CRAMP1: variants seen among roughly 807,000 people sequenced by gnomAD.
The protein encoded by CRAMP1 is cramped chromatin regulator 1.
Under a neutral mutation model 115.4 loss-of-function variants are expected in CRAMP1, and 50 were observed. The ratio of observed to expected loss-of-function variants is 0.43; its 90% CI spans 0.35 to 0.55. CRAMP1 has a LOEUF of 0.55. Among genes scored for constraint, CRAMP1 ranks in the 20% least tolerant of loss-of-function variants. The pLI is 0.01. For synonymous variants in CRAMP1, 866 were observed against 745.4 expected (o/e 1.16, Z -2.64); for missense variants, 1,679 against 1,721.7 (o/e 0.98, Z 0.44).
In CRAMP1 at chr16:1,665,178, T is replaced by C. The variant is rs764332131; in HGVS notation, c.2752+40T>C. 7 of 1,327,208 alleles carry C rather than the reference T, an allele frequency of 5.3e-6. 1 individual carries two copies. In the South Asian group the frequency reaches 8.2e-5, roughly 16 times the overall value. The allele number at this position is 1,327,208 out of a possible 1,614,324, so 82.2% of individuals were successfully genotyped here. Reference sequence around the variant, plus strand: ...CTTTTCTGGGGTAGCTTGTCCCTCCTCCTCACAGGAGGGCCTTGGCTTTGG... The same window carrying C: ...CTTTTCTGGGGTAGCTTGTCCCTCCCCCTCACAGGAGGGCCTTGGCTTTGG... On this transcript the variant is annotated intron_variant, in intron 14 of 20. Transcript: ENST00000397412.
In CRAMP1 at chr16:1,662,769, G is replaced by T. The variant is rs768090490; in HGVS notation, c.2604G>T (p.Ser868=). ...RQHLNSISMQ[S]DFFLPKPRKL... ...ACGCTGCTCCCTTACAGATGCAGTC[G>T]GATTTCTTCCTGCCAAAGCCCCGGA... The change falls in exon 13 of 21, where the codon TCG becomes TCT. Residue 868 remains serine, a synonymous_variant. Coordinates refer to ENST00000397412, the MANE Select transcript of CRAMP1 (RefSeq NM_020825.4). The T allele has an allele frequency of 1.9e-6, 3 of 1,613,904 alleles. No homozygotes were observed. Among genetic ancestry groups the T allele is most frequent in the Non-Finnish European group, 2.5e-6 (3 of 1,179,896 alleles).
intron 3 of CRAMP1, 105 bp downstream of exon 3, chr16:1,626,271 A>G (rs1463282099): frequency 4.4e-6 from 5 of 1,138,384 alleles, no homozygotes; most frequent in Non-Finnish European, 6.1e-6. Context: ...TAGAACGCAG[A>G]TTCCTGGGCG....
In CRAMP1 at chr16:1,656,784, A is replaced by G. The variant is rs763900352; in HGVS notation, c.2027A>G (p.Glu676Gly). ...CGGCTGGCTCAGCAGCTCCGTGAGG[A>G]GGGCTGGAACCTGCAGACCTCCGAA... ...ASRLAQQLRE[E>G]GWNLQTSESL... Residue 676 changes from glutamate to glycine, a missense_variant, in exon 10 of 21, where the codon GAG becomes GGG. By Grantham distance (98) the Glu-to-Gly change is moderately conservative. Transcript: ENST00000397412. This position sits in a 1 kb window ranked among gnomAD's most constrained non-coding sequence, Gnocchi z 5.6. 1.9e-6 allele frequency: 3 copies of G among 1,547,368 alleles called. No homozygotes were observed. The highest frequency in any genetic ancestry group is 1.4e-5 in the African/African-American group (1 of 72,896).
intron 1 of CRAMP1, among the ~76,000 whole-genome samples, 83 bp downstream of exon 1, chr16:1,612,740 G>A (rs546768309): frequency 3.7e-4 from 56 of 152,242 alleles, no homozygotes; most frequent in African/African-American, 1.2e-3. Context: ...GCGCGGGGGG[G>A]GCGTCGCTTC....
At chr16:1,637,776 G>GCGCC (rs2036600395) in intron 4 of CRAMP1, 48 bp from the exon 5 acceptor site, 3 of 978,200 alleles carry the variant, frequency 3.1e-6, no homozygotes, top group Non-Finnish European at 4.4e-6. Flanking sequence ...AAGCCAGGCA[G>GCGCC]CGCCTCCTGT....
Position 1,646,859 on chromosome 16 carries a change from G to A in CRAMP1, c.828-5637G>A, listed in dbSNP as rs570288596. 1.4e-4 allele frequency among the ~76,000 whole-genome samples: 21 copies of A among 152,338 alleles called. 3 individuals carry two copies. The highest frequency in any genetic ancestry group is 1.0e-3 in the Admixed American group (16 of 15,304). ...CCATGTGAAGTTTAGGAGGAGCTTTGCTTTTTGTCTGTGGGTGTCAAGCTG... is the reference window on the plus strand; with the variant it reads ...CCATGTGAAGTTTAGGAGGAGCTTTACTTTTTGTCTGTGGGTGTCAAGCTG... On this transcript the variant is annotated intron_variant, in intron 6 of 20. Transcript: ENST00000397412.
Position 1,655,667 on chromosome 16 carries a change from G to A in CRAMP1, c.1120-210G>A, listed in dbSNP as rs556223365. 2.6e-5 allele frequency among the ~76,000 whole-genome samples: 4 copies of A among 152,354 alleles called. No individual in the cohort carries two copies. In the South Asian group the frequency reaches 6.2e-4, roughly 24 times the overall value. The stretch of plus-strand genomic sequence containing the variant: ...GGCCCTGCCTGCTCCCCACATAGGC[G>A]TGGTGCGTGTCAGGTGTGAATTTCC... On this transcript the variant is annotated intron_variant, in intron 9 of 20. Transcript: ENST00000397412.
At chr16:1,641,114 A>G (rs2036628369) in intron 5 of CRAMP1, 25 bp from the exon 6 acceptor site, 1 of 1,568,348 alleles carries the variant, frequency 6.4e-7, no homozygotes, top group African/African-American at 1.4e-5. Flanking sequence ...TTGTGGTCTC[A>G]TTTATTTATT....
intron 13 of CRAMP1, among the ~76,000 whole-genome samples, chr16:1,664,262 G>A (rs1042215248): frequency 3.3e-5 from 5 of 152,190 alleles, no homozygotes; most frequent in African/African-American, 7.2e-5. Context: ...CAAACCTGCC[G>A]TAGCACATTC....
chr16:1,655,495 A>G (rs1357252302), intron 9 of CRAMP1, among the ~76,000 whole-genome samples, 195 bp downstream of exon 9: 1 of 152,172 alleles, frequency 6.6e-6, no homozygotes, highest in African/African-American at 2.4e-5. Flanking sequence ...GTGGCCTTGC[A>G]GTGCTAGAAC....
chr16:1,624,265 C>G (rs577308895), intron 2 of CRAMP1, among the ~76,000 whole-genome samples: 12 of 152,058 alleles, frequency 7.9e-5, no homozygotes, highest in Non-Finnish European at 1.8e-4. Context: ...ACAGACCCCC[C>G]ACCGGGTGAG....
chr16:1,614,948 GA>G lies in CRAMP1; in HGVS notation c.310del (p.Ser104AlafsTer43). The G allele has an allele frequency of 7.9e-7, 1 of 1,266,136 alleles. No individual in the cohort carries two copies. The highest frequency in any genetic ancestry group is 9.9e-7 in the Non-Finnish European group (1 of 1,006,970). 78.4% of individuals were successfully genotyped at this position (1,266,136 alleles called of 1,614,324 possible). A position where few individuals can be genotyped will look rare whatever the true frequency, so the allele number is the denominator to read the frequency against. Reference sequence around the variant, plus strand: ...GGAAGGATCCTCCGAGCGCTGTGGGGAGCGGCAACGCCGGTGGCTCGGGGCC... The same window carrying G: ...GGAAGGATCCTCCGAGCGCTGTGGGGGCGGCAACGCCGGTGGCTCGGGGCC... ...PRKDPPSAVGSGNAGGSGPRG... is the reference protein window; with the variant it reads ...PRKDPPSAVGXGNAGGSGPRG... On this transcript the variant is annotated frameshift_variant, in exon 2 of 21. Coordinates refer to ENST00000397412, the MANE Select transcript of CRAMP1 (RefSeq NM_020825.4). LOFTEE classifies it high-confidence loss of function. This position sits in a 1 kb window ranked among gnomAD's most constrained non-coding sequence, Gnocchi z 4.4.
intron 14 of CRAMP1, among the ~76,000 whole-genome samples, 165 bp downstream of exon 14, chr16:1,665,303 C>T (rs1023454795): frequency 1.3e-5 from 2 of 152,144 alleles, no homozygotes; most frequent in African/African-American, 2.4e-5. Flanking sequence ...CTGCAGGCTG[C>T]GGTGGCGGGC....
intron 3 of CRAMP1, among the ~76,000 whole-genome samples, chr16:1,629,228 C>T (rs973533485): frequency 1.1e-4 from 17 of 152,190 alleles, no homozygotes; most frequent in African/African-American, 4.1e-4. Context: ...CAGCTCTGGC[C>T]TCTGTGCTTC....
At chr16:1,622,513 C>T (rs746991295) in intron 2 of CRAMP1, among the ~76,000 whole-genome samples, 3 of 152,166 alleles carry the variant, frequency 2.0e-5, no homozygotes, top group Non-Finnish European at 2.9e-5. Flanking sequence ...CCTTACACAA[C>T]AGCAACCAAA....
At position 1,641,134 on chromosome 16, in the gene CRAMP1, T is replaced by A; in HGVS notation, c.779-5T>A. The A allele has an allele frequency of 6.2e-7, 1 of 1,605,294 alleles. No individual in the cohort carries two copies. The highest frequency in any genetic ancestry group is 8.5e-7 in the Non-Finnish European group (1 of 1,172,258). Reference sequence around the variant, plus strand: ...GTCTCATTTATTTATTTTTTCCATTTAAAGGTATGGATGACAAGAATGCAA... The same window carrying A: ...GTCTCATTTATTTATTTTTTCCATTAAAAGGTATGGATGACAAGAATGCAA... On this transcript the variant is annotated splice_region_variant and splice_polypyrimidine_tract_variant and intron_variant, in intron 5 of 20. Coordinates refer to ENST00000397412, the MANE Select transcript of CRAMP1 (RefSeq NM_020825.4).
chr16:1,627,150 T>C (rs79707819), intron 3 of CRAMP1, among the ~76,000 whole-genome samples: 1 of 141,930 alleles, frequency 7.0e-6, no homozygotes, highest in African/African-American at 2.7e-5. Context: ...AGCCTTGTTC[T>C]TTTTTTTTTT....
intron 4 of CRAMP1, among the ~76,000 whole-genome samples, chr16:1,634,143 T>G (rs1361032747): frequency 6.6e-6 from 1 of 152,274 alleles, no homozygotes; most frequent in Admixed American, 6.5e-5. Context: ...ACTGGGCAGC[T>G]GTTTAGTAGA....
intron 5 of CRAMP1, among the ~76,000 whole-genome samples, chr16:1,639,467 A>G (rs553247350): frequency 1.3e-5 from 2 of 151,716 alleles, no homozygotes; most frequent in East Asian, 3.9e-4. Flanking sequence ...GTGGCCAGCA[A>G]TCAGAGACTG....
Sources: allele counts gnomAD v4.1 joint callset (sites outside exome capture counted in the v4.1 genomes callset), GRCh38; gene constraint gnomAD v4.1.1; non-coding constraint Gnocchi (gnomAD v3.1); transcripts MANE v1.5; gene names NCBI Gene and HGNC (gene_info 2026-07-23, HGNC 2026-07-21).